The following SPATA6L variants were observed in gnomAD, a reference collection of about 807,000 sequenced individuals.
The protein encoded by SPATA6L is spermatogenesis associated 6 like.
Under a neutral mutation model 49.2 loss-of-function variants are expected in SPATA6L, and 68 were observed. The ratio of observed to expected loss-of-function variants is 1.38; its 90% CI spans 1.14 to 1.69. The LOEUF (loss-of-function observed/expected upper bound fraction) is 1.69, where lower values mean the gene tolerates loss of function less well. Ranked by LOEUF, SPATA6L falls within the 40% of genes most tolerant of loss-of-function variation. The pLI, the probability that SPATA6L is intolerant of heterozygous loss-of-function variation, is 0.00. For synonymous variants in SPATA6L, 198 were observed against 165.7 expected (o/e 1.19, Z -1.50); for missense variants, 668 against 464.3 (o/e 1.44, Z -4.03).
intron 4 of SPATA6L, 151 bp from the exon 5 acceptor site, chr9:4,629,319 C>A: frequency 1.8e-6 from 1 of 562,328 alleles, no homozygotes; most frequent in Non-Finnish European, 3.1e-6. Flanking sequence ...ATAAGAATAG[C>A]TAAACACTTA....
At chr9:4,593,938 C>T (rs924761858), downstream of SPATA6L, among the ~76,000 whole-genome samples, 1 of 152,198 alleles carries the variant, frequency 6.6e-6, no homozygotes, top group African/African-American at 2.4e-5. Flanking sequence ...TCCTTCTGGT[C>T]TTCCTCTCTC....
intron 4 of SPATA6L, among the ~76,000 whole-genome samples, chr9:4,632,271 G>C (rs946844791): frequency 6.6e-6 from 1 of 151,592 alleles, no homozygotes; most frequent in African/African-American, 2.4e-5. Context: ...GCTCTTTTTT[G>C]TGGTATCTCG....
intron 9 of SPATA6L, 48 bp downstream of exon 9, chr9:4,617,875 A>T: frequency 1.3e-6 from 2 of 1,483,120 alleles, no homozygotes; most frequent in Non-Finnish European, 1.8e-6. Context: ...TACCCCTGCC[A>T]GGCCACAATG....
chr9:4,661,757 C>T (rs189199639), intron 2 of SPATA6L, 142 bp downstream of exon 2: 6 of 1,096,990 alleles, frequency 5.5e-6, no homozygotes, highest in Non-Finnish European at 5.1e-6. Context: ...GTTCCGACTG[C>T]GGTTTTGCAT....
At chr9:4,628,445 T>C (rs1355258932) in intron 5 of SPATA6L, 1 of 152,120 alleles carries the variant, frequency 6.6e-6, no homozygotes, top group Non-Finnish European at 1.5e-5. Context: ...TATTTATTTA[T>C]TTATCATTAT....
At chr9:4,608,997 A>G (rs1428641147) in intron 9 of SPATA6L, among the ~76,000 whole-genome samples, 9 of 151,796 alleles carry the variant, frequency 5.9e-5, no homozygotes, top group South Asian at 2.1e-4. Context: ...ACAAACTACC[A>G]TCAGAGAATA....
chr9:4,662,264 C>A lies in SPATA6L; in HGVS notation c.40-228G>T, dbSNP rs900661133. ...CCAGGTGTCACAATCGCGCTCTCGC[C>A]GGCTCCTCTCCCCGCCCCTCCGGGA... On this transcript the variant is annotated intron_variant, in intron 1 of 11. Coordinates refer to ENST00000682582, the MANE Select transcript of SPATA6L (RefSeq NM_001353486.2). This position sits in a 1 kb window ranked among gnomAD's most constrained non-coding sequence, Gnocchi z 4.9. 2.0e-5 allele frequency: 28 copies of A among 1,433,892 alleles called. No homozygotes were observed. In the Middle Eastern group the frequency reaches 7.7e-4, roughly 39 times the overall value. 88.8% of individuals were successfully genotyped at this position (1,433,892 alleles called of 1,614,324 possible).
chr9:4,645,734 C>A (rs1185987914), intron 3 of SPATA6L, among the ~76,000 whole-genome samples: 2 of 152,042 alleles, frequency 1.3e-5, no homozygotes, highest in South Asian at 2.1e-4. Flanking sequence ...GTGAAAGAAA[C>A]TAGATATAAA....
chr9:4,630,028 CTT>C (rs1326423067), intron 4 of SPATA6L, among the ~76,000 whole-genome samples: 7 of 151,916 alleles, frequency 4.6e-5, no homozygotes, highest in Non-Finnish European at 1.0e-4. Context: ...CAACAGCATT[CTT>C]CTAAGTAAGA....
chr9:4,639,317 T>A (rs1833534185), intron 3 of SPATA6L, among the ~76,000 whole-genome samples: 1 of 152,238 alleles, frequency 6.6e-6, no homozygotes, highest in Non-Finnish European at 1.5e-5. Flanking sequence ...CATATGCTTT[T>A]GGCTACTTCT....
intron 3 of SPATA6L, among the ~76,000 whole-genome samples, chr9:4,643,344 C>G (rs1834472347): frequency 6.6e-6 from 1 of 152,112 alleles, no homozygotes; most frequent in Admixed American, 6.5e-5. Flanking sequence ...CCAGCATTAA[C>G]TAGGATATGG....
At chr9:4,638,245 C>T (rs1351048198) in intron 3 of SPATA6L, among the ~76,000 whole-genome samples, 1 of 152,092 alleles carries the variant, frequency 6.6e-6, no homozygotes, top group Non-Finnish European at 1.5e-5. Flanking sequence ...GAGTCTCGCT[C>T]TTATTGCCCA....
intron 9 of SPATA6L, among the ~76,000 whole-genome samples, chr9:4,609,159 T>A (rs1826048973): frequency 6.6e-6 from 1 of 151,480 alleles, no homozygotes; most frequent in South Asian, 2.1e-4. Context: ...AATCAATAGC[T>A]TACCAACCAA....
At chr9:4,648,276 G>T (rs1347228239) in intron 3 of SPATA6L, among the ~76,000 whole-genome samples, 3 of 152,204 alleles carry the variant, frequency 2.0e-5, no homozygotes, top group Non-Finnish European at 4.4e-5. Flanking sequence ...TTCAAAATGA[G>T]AGGAGGGAAT....
intron 3 of SPATA6L, among the ~76,000 whole-genome samples, chr9:4,653,011 C>G (rs1357429491): frequency 6.6e-6 from 1 of 152,016 alleles, no homozygotes; most frequent in Non-Finnish European, 1.5e-5. Flanking sequence ...CAGACATTGA[C>G]AAGATGATTG....
intron 3 of SPATA6L, among the ~76,000 whole-genome samples, chr9:4,636,861 A>G (rs138081157): frequency 1.3e-5 from 2 of 152,284 alleles, no homozygotes; most frequent in East Asian, 3.9e-4. Flanking sequence ...TCCAGCCACA[A>G]TGGATTGATG....
In SPATA6L at chr9:4,600,729, G is replaced by T. The variant is rs977672558; in HGVS notation, c.*82C>A. 3 of 152,186 alleles carry T rather than the reference G, an allele frequency of 2.0e-5. No homozygotes were observed. The highest frequency in any genetic ancestry group is 4.4e-5 in the Non-Finnish European group (3 of 68,036). The allele number at this position is 152,186 out of a possible 1,614,324, so 9.4% of individuals were successfully genotyped here. ...AGTGACTCAACACAGACAACAAAAA[G>T]TGTTCATTTCTTTAAGGATGCTTCA... On this transcript the variant is annotated 3_prime_UTR_variant, in exon 12 of 12. Coordinates refer to ENST00000682582, the MANE Select transcript of SPATA6L (RefSeq NM_001353486.2).
intron 7 of SPATA6L, among the ~76,000 whole-genome samples, chr9:4,621,956 TCA>T (rs1181708996): frequency 2.6e-5 from 4 of 152,226 alleles, no homozygotes; most frequent in Non-Finnish European, 5.9e-5. Flanking sequence ...TCTAACTGCT[TCA>T]GATAGAGTTG....
chr9:4,604,266 C>A lies in SPATA6L; in HGVS notation c.1093G>T (p.Asp365Tyr). 1 of 1,600,214 alleles carries A rather than the reference C, an allele frequency of 6.2e-7. No individual in the cohort carries two copies. The highest frequency in any genetic ancestry group is 8.6e-7 in the Non-Finnish European group (1 of 1,168,382). Reference protein sequence around the residue: ...HRAQLHQNKEDSTSEVNYIIE... With the variant: ...HRAQLHQNKEYSTSEVNYIIE... ...ATATAATTTACTTCAGAGGTAGAAT[C>A]TTCCTACAATAAAAACAAATCCAGC... Residue 365 changes from aspartate to tyrosine, a missense_variant, in exon 11 of 12, where the codon GAT (aspartate) becomes TAT (tyrosine). Physicochemically the swap from Asp to Tyr is radical, Grantham distance 160. Coordinates refer to ENST00000682582, the MANE Select transcript of SPATA6L (RefSeq NM_001353486.2).
Sources: allele counts gnomAD v4.1 joint callset (sites outside exome capture counted in the v4.1 genomes callset), GRCh38; gene constraint gnomAD v4.1.1; non-coding constraint Gnocchi (gnomAD v3.1); transcripts MANE v1.5; gene names NCBI Gene and HGNC (gene_info 2026-07-23, HGNC 2026-07-21).